Variants in SLC16A12 observed in about 807,000 individuals in gnomAD.
SLC16A12 encodes the protein solute carrier family 16 member 12, also known as monocarboxylate transporter 12.
A neutral mutation model predicts 42.4 loss-of-function variants in SLC16A12; 17 were observed. The ratio of observed to expected loss-of-function variants is 0.40; its 90% CI spans 0.27 to 0.60. The LOEUF (loss-of-function observed/expected upper bound fraction) is 0.60, where lower values mean the gene tolerates loss of function less well. Among genes scored for constraint, SLC16A12 ranks in the 20% least tolerant of loss-of-function variants. SLC16A12 has a pLI of 0.42. For synonymous variants in SLC16A12, 224 were observed against 229.4 expected (o/e 0.98, Z 0.21); for missense variants, 544 against 623.0 (o/e 0.87, Z 1.35).
At chr10:89,453,935 C>A (rs1278196462) in intron 3 of SLC16A12, among the ~76,000 whole-genome samples, 3 of 152,034 alleles carry the variant, frequency 2.0e-5, no homozygotes, top group African/African-American at 7.2e-5. Flanking sequence ...TGCCCGAGAA[C>A]CACTGACCTA....
chr10:89,442,376 T>C (rs1841926747), intron 4 of SLC16A12, among the ~76,000 whole-genome samples: 1 of 152,212 alleles, frequency 6.6e-6, no homozygotes, highest in South Asian at 2.1e-4. Context: ...GCTTCTGACA[T>C]AACCCTACTC....
intron 2 of SLC16A12, among the ~76,000 whole-genome samples, chr10:89,491,256 A>G (rs303186): frequency 0.56 from 84,620 of 151,940 alleles, 24,371 homozygotes; most frequent in African/African-American, 0.69. Flanking sequence ...CTAACAGTAA[A>G]GGTCCATAAC....
At position 89,443,873 on chromosome 10, in the gene SLC16A12, T is replaced by C. The variant is rs1841955923; in HGVS notation, c.201-14A>G. On this transcript the variant is annotated splice_polypyrimidine_tract_variant and intron_variant, in intron 3 of 7. Transcript: ENST00000371790. ...ATTGAGATACATCTGAAAAATACAA[T>C]GCAGGCATTTTATACAAAAAATGAA... 2 of 1,527,502 alleles carry C rather than the reference T, an allele frequency of 1.3e-6. No homozygotes were observed. Among genetic ancestry groups the C allele is most frequent in the Non-Finnish European group, 1.8e-6 (2 of 1,101,446 alleles). 94.6% of individuals were successfully genotyped at this position (1,527,502 alleles called of 1,614,324 possible). A position where few individuals can be genotyped will look rare whatever the true frequency, so the allele number is the denominator to read the frequency against.
intron 2 of SLC16A12, among the ~76,000 whole-genome samples, chr10:89,554,654 A>ATG (rs2133893955): frequency 6.6e-6 from 1 of 152,196 alleles, no homozygotes; most frequent in African/African-American, 2.4e-5. Context: ...TGACATATGT[A>ATG]TGTGTGTGTT....
chr10:89,553,965 A>C (rs1843786438), intron 2 of SLC16A12, among the ~76,000 whole-genome samples: 1 of 151,146 alleles, frequency 6.6e-6, no homozygotes. Context: ...ACTGCACTCC[A>C]GCCTGGGCAA....
intron 2 of SLC16A12, among the ~76,000 whole-genome samples, chr10:89,508,767 CA>C (rs903696310): frequency 2.6e-5 from 4 of 151,608 alleles, no homozygotes; most frequent in Non-Finnish European, 5.9e-5. Context: ...AAAAACCCTT[CA>C]AAAAAAATCA....
At chr10:89,451,624 C>A (rs1316548464) in intron 3 of SLC16A12, among the ~76,000 whole-genome samples, 2 of 152,062 alleles carry the variant, frequency 1.3e-5, no homozygotes, top group African/African-American at 4.8e-5. Flanking sequence ...ATTAGTCAGG[C>A]TGGTCTCGAA....
intron 3 of SLC16A12, among the ~76,000 whole-genome samples, chr10:89,458,707 A>C (rs1842240842): frequency 6.6e-6 from 1 of 152,212 alleles, no homozygotes; most frequent in African/African-American, 2.4e-5. Context: ...TTGGTTGGGA[A>C]CAAGGTGGAA....
chr10:89,514,205 G>A (rs956463104), intron 2 of SLC16A12, among the ~76,000 whole-genome samples: 7 of 152,216 alleles, frequency 4.6e-5, no homozygotes, highest in Non-Finnish European at 2.9e-5. Context: ...CTTGCAGGTA[G>A]GTGGAAGAAG....
At chr10:89,495,749 C>T (rs1327544207) in intron 2 of SLC16A12, among the ~76,000 whole-genome samples, 1 of 152,128 alleles carries the variant, frequency 6.6e-6, no homozygotes, top group African/African-American at 2.4e-5. Context: ...GAGTACAGTA[C>T]CAGTTGTTTA....
At chr10:89,479,594 C>A (rs1177727379) in intron 2 of SLC16A12, among the ~76,000 whole-genome samples, 2 of 152,176 alleles carry the variant, frequency 1.3e-5, no homozygotes, top group Admixed American at 6.5e-5. Flanking sequence ...TGGCTTAGAA[C>A]TTAGGGAAAA....
chr10:89,430,814 A>G lies in SLC16A12; in HGVS notation c.*2250T>C. 2.4e-6 allele frequency: 1 copy of G among 424,898 alleles called. No individual in the cohort carries two copies. Among genetic ancestry groups the G allele is most frequent in the Non-Finnish European group, 4.7e-6 (1 of 213,258 alleles). The allele number at this position is 424,898 out of a possible 1,614,324, so 26.3% of individuals were successfully genotyped here. A position where few individuals can be genotyped will look rare whatever the true frequency, so the allele number is the denominator to read the frequency against. On this transcript the variant is annotated 3_prime_UTR_variant, in exon 8 of 8. Transcript: ENST00000371790. ...ATACTTGTAATACTTCACAGAAATTATATTGCAGAACCACATAAACAAAAT... is the reference window on the plus strand; with the variant it reads ...ATACTTGTAATACTTCACAGAAATTGTATTGCAGAACCACATAAACAAAAT...
chr10:89,488,636 A>C (rs1842800242), intron 2 of SLC16A12, among the ~76,000 whole-genome samples: 1 of 152,242 alleles, frequency 6.6e-6, no homozygotes, highest in Non-Finnish European at 1.5e-5. Flanking sequence ...AGCAACGACT[A>C]ACTGACAATA....
At chr10:89,455,813 C>G (rs1430542342) in intron 3 of SLC16A12, among the ~76,000 whole-genome samples, 1 of 152,152 alleles carries the variant, frequency 6.6e-6, no homozygotes, top group Non-Finnish European at 1.5e-5. Context: ...GCCTCAGTTT[C>G]TTTATCTCTA....
chr10:89,503,569 A>G (rs1843018166), intron 2 of SLC16A12, among the ~76,000 whole-genome samples: 3 of 152,262 alleles, frequency 2.0e-5, no homozygotes, highest in African/African-American at 7.2e-5. Flanking sequence ...CATGGAGCAT[A>G]TGAATTTCTA....
chr10:89,524,448 G>A (rs371899396), intron 2 of SLC16A12, among the ~76,000 whole-genome samples: 3 of 152,200 alleles, frequency 2.0e-5, no homozygotes, highest in Non-Finnish European at 4.4e-5. Context: ...CACACCATCC[G>A]AAGATGAGCA....
chr10:89,537,739 AG>A (rs142223875), upstream of SLC16A12, among the ~76,000 whole-genome samples: 15,319 of 152,288 alleles, frequency 0.1, 812 homozygotes, highest in Middle Eastern at 0.12. Context: ...TAAATAATGT[AG>A]GACAACAGTT....
At chr10:89,539,901 CTT>C (rs1491501963), upstream of SLC16A12, among the ~76,000 whole-genome samples, 1 of 139,190 alleles carries the variant, frequency 7.2e-6, no homozygotes, top group Admixed American at 7.0e-5. Flanking sequence ...TTCTTTCTTT[CTT>C]TCTTTCTTTT....
chr10:89,458,807 G>A (rs1414708981), intron 3 of SLC16A12, among the ~76,000 whole-genome samples: 1 of 152,172 alleles, frequency 6.6e-6, no homozygotes, highest in Non-Finnish European at 1.5e-5. Flanking sequence ...AGCATAGAAA[G>A]AATCATGGGG....
Sources: allele counts gnomAD v4.1 joint callset (sites outside exome capture counted in the v4.1 genomes callset), GRCh38; gene constraint gnomAD v4.1.1; transcripts MANE v1.5; gene names NCBI Gene and HGNC (gene_info 2026-07-23, HGNC 2026-07-21).